The following TAMM41 variants were observed in gnomAD, a reference collection of about 807,000 sequenced individuals.
The protein encoded by TAMM41 is TAM41 mitochondrial translocator assembly and maintenance homolog.
Under a neutral mutation model 44.1 loss-of-function variants are expected in TAMM41, and 36 were observed. The observed-to-expected ratio is 0.82, with a 90% confidence interval of 0.63 to 1.08. TAMM41 has a LOEUF of 1.08. Among genes scored for constraint, TAMM41 ranks in the 50% least tolerant of loss-of-function variants. The probability of loss-of-function intolerance (pLI) is 0.00; values close to 1 mark genes in which losing one functional copy is unlikely to be tolerated. For synonymous variants in TAMM41, 164 were observed against 153.1 expected, an observed-to-expected ratio of 1.07 and a Z score of -0.53; for missense variants, 417 against 404.3, an observed-to-expected ratio of 1.03 and a Z score of -0.27.
chr3:11,819,659 C>T (rs1355738359), intron 4 of TAMM41, among the ~76,000 whole-genome samples: 1 of 151,950 alleles, frequency 6.6e-6, no homozygotes, highest in African/African-American at 2.4e-5. Context: ...CTTTGTGAGG[C>T]CAAGGCCGGG....
the TAMM41 span, among the ~76,000 whole-genome samples, chr3:11,737,099 C>A: frequency 6.6e-6 from 1 of 152,086 alleles, no homozygotes; most frequent in South Asian, 2.1e-4. Flanking sequence ...CGGACTGATT[C>A]TCCAGCCTTC....
At chr3:11,772,132 G>C in the TAMM41 span, among the ~76,000 whole-genome samples, 1 of 150,914 alleles carries the variant, frequency 6.6e-6, no homozygotes, top group African/African-American at 2.4e-5. Context: ...GTGCAGTTGT[G>C]CAATCTCAGC....
intron 4 of TAMM41, among the ~76,000 whole-genome samples, chr3:11,818,798 G>A (rs77540381): frequency 1 from 150,970 of 150,972 alleles, 75,484 homozygotes; most frequent in Non-Finnish European, 1. Context: ...CTTGGGGGGG[G>A]GCCGCAGGAG....
intron 7 of TAMM41, chr3:11,807,589 G>A: frequency 6.5e-7 from 1 of 1,536,134 alleles, no homozygotes; most frequent in East Asian, 2.4e-5. Flanking sequence ...CACAGGAAGT[G>A]TCTCAGAAAA....
downstream of TAMM41, among the ~76,000 whole-genome samples, chr3:11,787,436 C>A (rs1238403258): frequency 1.3e-5 from 2 of 152,182 alleles, no homozygotes; most frequent in Non-Finnish European, 2.9e-5. Flanking sequence ...ATTCTCTCCA[C>A]GTCATCCCTT....
chr3:11,768,324 G>T, the TAMM41 span, among the ~76,000 whole-genome samples: 1 of 152,012 alleles, frequency 6.6e-6, no homozygotes, highest in Admixed American at 6.6e-5. Flanking sequence ...TATTTGTAGA[G>T]ATGGGGTCTC....
chr3:11,763,531 C>T, the TAMM41 span, among the ~76,000 whole-genome samples: 3 of 152,192 alleles, frequency 2.0e-5, no homozygotes, highest in South Asian at 4.1e-4. Flanking sequence ...TTTTACTTCT[C>T]TCTTTAATTT....
the TAMM41 span, among the ~76,000 whole-genome samples, chr3:11,735,610 G>A: frequency 6.6e-6 from 1 of 152,052 alleles, no homozygotes; most frequent in Admixed American, 6.6e-5. Flanking sequence ...ACTCCAGCCT[G>A]GGTAACAAAG....
intron 4 of TAMM41, among the ~76,000 whole-genome samples, chr3:11,820,607 G>A (rs1055996304): frequency 8.5e-5 from 13 of 152,132 alleles, no homozygotes; most frequent in African/African-American, 3.1e-4. Context: ...AGCTGAACTA[G>A]CTCAACCGCA....
At chr3:11,744,421 C>G in the TAMM41 span, among the ~76,000 whole-genome samples, 10 of 152,022 alleles carry the variant, frequency 6.6e-5, no homozygotes, top group African/African-American at 2.2e-4. Context: ...CAGCCGGGCA[C>G]AGTGGCTCAC....
the TAMM41 span, among the ~76,000 whole-genome samples, chr3:11,757,633 G>GC: frequency 6.6e-6 from 1 of 152,200 alleles, no homozygotes; most frequent in African/African-American, 2.4e-5. Flanking sequence ...TGGATATCAG[G>GC]CCCCAATGGG....
At chr3:11,725,436 C>CCTACTCCTT in the TAMM41 span, among the ~76,000 whole-genome samples, 2 of 138,524 alleles carry the variant, frequency 1.4e-5, no homozygotes, top group African/African-American at 2.9e-5. Flanking sequence ...TCCTCCTCCT[C>CCTACTCCTT]CTCCTCCTCC....
the TAMM41 span, among the ~76,000 whole-genome samples, chr3:11,771,987 T>G: frequency 6.6e-6 from 1 of 152,296 alleles, no homozygotes; most frequent in Admixed American, 6.5e-5. Context: ...ATCACCCAAA[T>G]AGTGAACACT....
At chr3:11,764,301 C>CTATTCAAT in the TAMM41 span, among the ~76,000 whole-genome samples, 1 of 151,438 alleles carries the variant, frequency 6.6e-6, no homozygotes, top group African/African-American at 2.4e-5. Flanking sequence ...CAGACCTGTT[C>CTATTCAAT]TATTCAATTT....
chr3:11,781,452 C>T, the TAMM41 span, among the ~76,000 whole-genome samples: 1 of 152,066 alleles, frequency 6.6e-6, no homozygotes, highest in South Asian at 2.1e-4. Context: ...GTAAGAGACC[C>T]GGTCAGGTGC....
chr3:11,841,275 G>C (rs566298841), intron 2 of TAMM41, among the ~76,000 whole-genome samples: 1 of 151,746 alleles, frequency 6.6e-6, no homozygotes, highest in African/African-American at 2.4e-5. Flanking sequence ...TAGAGACAGG[G>C]TTTCACCATG....
chr3:11,838,474 T>C (rs2125056358), intron 3 of TAMM41, among the ~76,000 whole-genome samples: 1 of 152,254 alleles, frequency 6.6e-6, no homozygotes, highest in Non-Finnish European at 1.5e-5. Context: ...CACCTTGGCC[T>C]ACCAAAGTCC....
chr3:11,788,734 A>G (rs927792737), downstream of TAMM41, among the ~76,000 whole-genome samples: 8 of 152,248 alleles, frequency 5.3e-5, no homozygotes, highest in Non-Finnish European at 1.2e-4. Context: ...TCAGGAGTTC[A>G]AGACCAGCCT....
chr3:11,773,000 A>G, the TAMM41 span, among the ~76,000 whole-genome samples: 1 of 152,148 alleles, frequency 6.6e-6, no homozygotes, highest in African/African-American at 2.4e-5. Flanking sequence ...TCTGTTGCCC[A>G]GGTTGGAGTG....
Sources: gnomAD v4.1 joint callset for allele counts (sites outside exome capture counted in the v4.1 genomes callset) on GRCh38, gnomAD v4.1.1 for gene constraint, MANE v1.5 for transcripts, NCBI Gene and HGNC (gene_info 2026-07-23, HGNC 2026-07-21) for gene names.